DLG2: variants seen among roughly 807,000 people sequenced by gnomAD.
DLG2 encodes the protein disks large homolog 2.
DLG2 carries 45 observed loss-of-function variants against 132.5 expected under a neutral mutation model. The ratio of observed to expected loss-of-function variants is 0.34; its 90% CI spans 0.27 to 0.44. DLG2 has a LOEUF of 0.44. Among genes scored for constraint, DLG2 ranks in the 20% least tolerant of loss-of-function variants. DLG2 has a pLI of 1.00. For missense variants in DLG2, 1,045 were observed against 1,196.9 expected, an observed-to-expected ratio of 0.87 and a Z score of 1.87; for synonymous variants, 424 against 419.6, an observed-to-expected ratio of 1.01 and a Z score of -0.13.
At chr11:83,734,663 C>T (rs1325316206) in intron 18 of DLG2, among the ~76,000 whole-genome samples, 1 of 152,074 alleles carries the variant, frequency 6.6e-6, no homozygotes, top group Non-Finnish European at 1.5e-5. Context: ...GTTGGCTAGG[C>T]TCATCTTGAA....
chr11:84,389,524 G>C (rs1229987591), intron 7 of DLG2, among the ~76,000 whole-genome samples: 1 of 151,904 alleles, frequency 6.6e-6, no homozygotes, highest in Non-Finnish European at 1.5e-5. Context: ...GTTTACACTG[G>C]AATAAAATTG....
intron 7 of DLG2, among the ~76,000 whole-genome samples, chr11:84,298,385 T>C (rs1375399022): frequency 1.3e-5 from 2 of 152,158 alleles, no homozygotes; most frequent in African/African-American, 4.8e-5. Flanking sequence ...TGTCTGGGCT[T>C]TCAAAAGGAC....
At chr11:84,094,003 G>C (rs1008434740) in intron 10 of DLG2, among the ~76,000 whole-genome samples, 1 of 151,208 alleles carries the variant, frequency 6.6e-6, no homozygotes, top group Non-Finnish European at 1.5e-5. Flanking sequence ...TAAGTTTTAG[G>C]GTACATGTGC....
At chr11:84,863,178 T>C (rs950170370) in intron 6 of DLG2, among the ~76,000 whole-genome samples, 2 of 152,104 alleles carry the variant, frequency 1.3e-5, no homozygotes, top group Admixed American at 1.3e-4. Flanking sequence ...TTTATGCGGC[T>C]GCAAAAGTTC....
chr11:83,856,191 T>C (rs370512112), intron 16 of DLG2, among the ~76,000 whole-genome samples: 18 of 152,222 alleles, frequency 1.2e-4, no homozygotes, highest in Non-Finnish European at 2.2e-4. Flanking sequence ...CTGCATATAA[T>C]TCATGGTGTG....
chr11:84,540,176 C>A (rs375288029), intron 6 of DLG2, among the ~76,000 whole-genome samples: 3 of 152,110 alleles, frequency 2.0e-5, no homozygotes, highest in African/African-American at 4.8e-5. Context: ...GCAACAAAAG[C>A]CAAAATTGAC....
chr11:84,814,866 T>C (rs1418628456), intron 6 of DLG2, among the ~76,000 whole-genome samples: 1 of 152,072 alleles, frequency 6.6e-6, no homozygotes, highest in Non-Finnish European at 1.5e-5. Context: ...CTCAGGAAAA[T>C]CTCTCATAGT....
intron 18 of DLG2, among the ~76,000 whole-genome samples, chr11:83,716,109 A>G (rs1206614473): frequency 1.3e-5 from 2 of 152,224 alleles, no homozygotes; most frequent in Admixed American, 6.5e-5. Context: ...CAAGTGCTCA[A>G]TAAAGATCTG....
chr11:84,673,320 A>G (rs1297924315), intron 6 of DLG2, among the ~76,000 whole-genome samples: 1 of 152,074 alleles, frequency 6.6e-6, no homozygotes, highest in African/African-American at 2.4e-5. Flanking sequence ...TATGCAACAG[A>G]ATCCACTTTC....
intron 6 of DLG2, among the ~76,000 whole-genome samples, chr11:84,861,618 C>CAAAAAAAAAAAAAAAAAAA (rs1177657034): frequency 3.3e-4 from 12 of 35,836 alleles, no homozygotes; most frequent in African/African-American, 1.3e-3. Context: ...TTCTACACAG[C>CAAAAAAAAAAAAAAAAAAA]AAAAAAAAAA....
intron 6 of DLG2, among the ~76,000 whole-genome samples, chr11:85,043,361 C>A (rs1178615635): frequency 1.3e-5 from 2 of 151,664 alleles, no homozygotes; most frequent in Non-Finnish European, 2.9e-5. Context: ...TAATGCTGCA[C>A]ACAGAGTAGG....
At chr11:83,965,182 G>T in intron 13 of DLG2, 142 bp downstream of exon 13, 1 of 859,594 alleles carries the variant, frequency 1.2e-6, no homozygotes, top group Non-Finnish European at 1.8e-6. Flanking sequence ...CAACATAGGA[G>T]TGGAGTTTAG....
chr11:83,816,801 G>T (rs927247023), intron 17 of DLG2, among the ~76,000 whole-genome samples: 1 of 152,110 alleles, frequency 6.6e-6, no homozygotes, highest in Non-Finnish European at 1.5e-5. Flanking sequence ...CTATACAAAA[G>T]ATATAACTAC....
chr11:84,774,187 A>G (rs2153894914), intron 6 of DLG2, among the ~76,000 whole-genome samples: 1 of 152,264 alleles, frequency 6.6e-6, no homozygotes, highest in East Asian at 1.9e-4. Context: ...TATTTACAAT[A>G]GCCAAAAATA....
At chr11:85,285,450 A>G in intron 3 of DLG2, 85 bp from the exon 4 acceptor site, 6 of 1,315,170 alleles carry the variant, frequency 4.6e-6, no homozygotes, top group East Asian at 2.3e-5. Flanking sequence ...ATATAGACAT[A>G]CAGAAATTTT....
intron 6 of DLG2, among the ~76,000 whole-genome samples, chr11:84,575,324 C>T (rs369738544): frequency 6.6e-6 from 1 of 152,064 alleles, no homozygotes; most frequent in Non-Finnish European, 1.5e-5. Context: ...GTGCATGCCT[C>T]CCCCACACCC....
At chr11:84,739,965 G>T (rs544714296) in intron 6 of DLG2, among the ~76,000 whole-genome samples, 1 of 152,098 alleles carries the variant, frequency 6.6e-6, no homozygotes, top group African/African-American at 2.4e-5. Context: ...CTAGGCCCTA[G>T]AGTCCATTGT....
chr11:84,983,705 C>CAGAGA (rs2056093812), intron 6 of DLG2, among the ~76,000 whole-genome samples: 1 of 151,998 alleles, frequency 6.6e-6, no homozygotes, highest in African/African-American at 2.4e-5. Flanking sequence ...AGGGAGGCAC[C>CAGAGA]AGAGAAAGGC....
At chr11:84,563,938 A>T (rs918782424) in intron 6 of DLG2, among the ~76,000 whole-genome samples, 8 of 152,196 alleles carry the variant, frequency 5.3e-5, no homozygotes, top group African/African-American at 1.7e-4. Context: ...CGTGAAAAAC[A>T]TTTCAGATAC....
Sources: gnomAD v4.1 joint callset for allele counts (sites outside exome capture counted in the v4.1 genomes callset) on GRCh38, gnomAD v4.1.1 for gene constraint, MANE v1.5 for transcripts, NCBI Gene and HGNC (gene_info 2026-07-23, HGNC 2026-07-21) for gene names.